MYO5C: variants seen among roughly 807,000 people sequenced by gnomAD.
MYO5C encodes the protein unconventional myosin-Vc.
A neutral mutation model predicts 235.7 loss-of-function variants in MYO5C; 194 were observed. The observed-to-expected ratio is 0.82, with a 90% CI of 0.73 to 0.93. MYO5C has a LOEUF of 0.93. MYO5C is among the 40% of genes least tolerant of loss of function. The pLI, the probability that MYO5C is intolerant of heterozygous loss-of-function variation, is 0.00. For synonymous variants in MYO5C, 707 were observed against 754.8 expected, an observed-to-expected ratio of 0.94 and a Z score of 1.04; for missense variants, 2,038 against 2,127.2, an observed-to-expected ratio of 0.96 and a Z score of 0.82.
At chr15:52,268,284 G>A (rs1233625032) in intron 8 of MYO5C, among the ~76,000 whole-genome samples, 2 of 152,352 alleles carry the variant, frequency 1.3e-5, no homozygotes, top group South Asian at 2.1e-4. Context: ...GAAATGGCTG[G>A]CCGGGCGCGG....
intron 1 of MYO5C, among the ~76,000 whole-genome samples, chr15:52,285,791 A>G (rs1451682738): frequency 1.3e-5 from 2 of 152,150 alleles, no homozygotes; most frequent in African/African-American, 4.8e-5. Context: ...CCCAGGCTGG[A>G]GTGCAGTGGC....
At position 52,263,294 on chromosome 15, in the gene MYO5C, T is replaced by C. The variant is rs557034809; in HGVS notation, c.1047+896A>G. The stretch of plus-strand genomic sequence containing the variant: ...TTTGTTTTCTTCTTTACATGGACAT[T>C]GATGAGACTAATTAAACACATACCC... On this transcript the variant is annotated intron_variant, in intron 9 of 40. Coordinates refer to ENST00000261839, the MANE Select transcript of MYO5C (RefSeq NM_018728.4). Among the ~76,000 whole-genome samples the C allele has an allele frequency of 2.6e-4, 39 of 152,266 alleles. No homozygotes were observed. In the South Asian group the frequency reaches 7.7e-3, roughly 30 times the overall value.
chr15:52,240,087 C>A (rs1268031532), intron 20 of MYO5C, among the ~76,000 whole-genome samples: 1 of 152,182 alleles, frequency 6.6e-6, no homozygotes, highest in African/African-American at 2.4e-5. Flanking sequence ...CATTCTAGAA[C>A]CCCCTGTCTC....
chr15:52,216,861 A>T (rs1256316119), intron 32 of MYO5C, among the ~76,000 whole-genome samples: 2 of 152,192 alleles, frequency 1.3e-5, no homozygotes, highest in Non-Finnish European at 2.9e-5. Flanking sequence ...GATGGAAAAG[A>T]ACACAGAGAC....
At chr15:52,214,740 A>ATT (rs34638854) in intron 32 of MYO5C, 50 bp from the exon 33 acceptor site, 89,544 of 970,826 alleles carry the variant, frequency 0.092, 1,328 homozygotes, top group East Asian at 0.22. Flanking sequence ...ACTTTAATCT[A>ATT]TTTTTTTTTT....
chr15:52,230,024 C>A (rs924803093), intron 24 of MYO5C, among the ~76,000 whole-genome samples: 4 of 152,152 alleles, frequency 2.6e-5, no homozygotes, highest in Non-Finnish European at 5.9e-5. Flanking sequence ...TCCAAGGATC[C>A]TGCTGGAGGT....
intron 10 of MYO5C, among the ~76,000 whole-genome samples, chr15:52,258,209 G>A (rs1239930982): frequency 6.6e-6 from 1 of 152,168 alleles, no homozygotes; most frequent in Non-Finnish European, 1.5e-5. Context: ...AATGCTAGAG[G>A]CACATTGGCT....
chr15:52,286,914 G>A (rs937273577), intron 1 of MYO5C, among the ~76,000 whole-genome samples: 4 of 132,114 alleles, frequency 3.0e-5, no homozygotes, highest in East Asian at 4.3e-4. Flanking sequence ...CCCCCTCTGC[G>A]AGAAACACCC....
chr15:52,232,829 T>C (rs1170820638), intron 23 of MYO5C, 144 bp from the exon 24 acceptor site: 2 of 671,520 alleles, frequency 3.0e-6, no homozygotes, highest in African/African-American at 3.6e-5. Context: ...ATAGCTCATT[T>C]TTTATAAACA....
chr15:52,237,459 C>CG lies in MYO5C; in HGVS notation c.2868+22dup, dbSNP rs1256776962. 3.1e-6 allele frequency: 5 copies of CG among 1,607,070 alleles called. No individual in the cohort carries two copies. The African/African-American group carries it at 6.7e-5, about 22-fold the overall frequency. Reference sequence around the variant, plus strand: ...ACAGAGAGTCCGCATATTTCCATCCCGTCTCACACGCCCGCAGCTGACCTC... The same window carrying CG: ...ACAGAGAGTCCGCATATTTCCATCCCGGTCTCACACGCCCGCAGCTGACCTC... On this transcript the variant is annotated intron_variant, in intron 22 of 40. Transcript: ENST00000261839.
rs559646496 is a variant in MYO5C, at chr15:52,218,726, C to T, written c.3786-39G>A. ...GGAGGAATGGCTGGTATCAGTATGA[C>T]GGTCATGGAGAAGTCACTCACTGTC... On this transcript the variant is annotated intron_variant, in intron 31 of 40. Transcript: ENST00000261839. 150 of 1,603,916 alleles carry T rather than the reference C, an allele frequency of 9.4e-5. 1 individual carries two copies. The Admixed American group carries it at 1.2e-3, about 13-fold the overall frequency.
intron 34 of MYO5C, 97 bp from the exon 35 acceptor site, chr15:52,211,981 G>A: frequency 7.9e-7 from 1 of 1,271,832 alleles, no homozygotes. Flanking sequence ...GCTTTTCTGT[G>A]CTTGACACAG....
At chr15:52,251,964 C>T (rs895350491) in intron 12 of MYO5C, among the ~76,000 whole-genome samples, 1 of 152,140 alleles carries the variant, frequency 6.6e-6, no homozygotes, top group African/African-American at 2.4e-5. Flanking sequence ...CTGCGCCTGG[C>T]CTTAGAGGCT....
At chr15:52,232,265 G>GAGAGAAGGAAGGA (rs1386409167) in intron 24 of MYO5C, among the ~76,000 whole-genome samples, 4 of 147,766 alleles carry the variant, frequency 2.7e-5, no homozygotes, top group African/African-American at 1.0e-4. Flanking sequence ...AGGAAGGAAG[G>GAGAGAAGGAAGGA]AGAGAAGGAA....
chr15:52,263,485 CCTT>C (rs1347612453), intron 9 of MYO5C, among the ~76,000 whole-genome samples: 1 of 152,144 alleles, frequency 6.6e-6, no homozygotes, highest in African/African-American at 2.4e-5. Context: ...TAGTGGGTGT[CCTT>C]CTGCTGAAAA....
chr15:52,194,097 T>C (rs1198662871), intron 40 of MYO5C, 43 bp from the exon 41 acceptor site: 3 of 1,592,720 alleles, frequency 1.9e-6, no homozygotes, highest in Admixed American at 1.8e-5. Context: ...GAAACTAACA[T>C]GTTCTGCTTT....
intron 32 of MYO5C, 50 bp from the exon 33 acceptor site, chr15:52,214,740 A>ATTTT (rs34638854): frequency 2.7e-4 from 268 of 981,908 alleles, no homozygotes; most frequent in South Asian, 6.6e-4. Flanking sequence ...ACTTTAATCT[A>ATTTT]TTTTTTTTTT....
chr15:52,211,899 G>A lies in MYO5C; in HGVS notation c.4142-15C>T. 6.2e-7 allele frequency: 1 copy of A among 1,612,020 alleles called. No individual in the cohort carries two copies. The highest frequency in any genetic ancestry group is 8.5e-7 in the Non-Finnish European group (1 of 1,178,888). ...GGGCTTCAAGTCTGAAGCAGAGAGA[G>A]CCAATGAGGATTACAGCTGACAGGT... is the stretch of plus-strand genomic sequence containing the variant. On this transcript the variant is annotated splice_polypyrimidine_tract_variant and intron_variant, in intron 34 of 40. Transcript: ENST00000261839.
intron 38 of MYO5C, among the ~76,000 whole-genome samples, chr15:52,203,863 C>T (rs1374335182): frequency 6.6e-6 from 1 of 152,102 alleles, no homozygotes; most frequent in Non-Finnish European, 1.5e-5. Context: ...CTAGCTCCCA[C>T]AAATAAGTGA....
Sources: gnomAD v4.1 joint callset for allele counts (sites outside exome capture counted in the v4.1 genomes callset) on GRCh38, gnomAD v4.1.1 for gene constraint, MANE v1.5 for transcripts, NCBI Gene and HGNC (gene_info 2026-07-23, HGNC 2026-07-21) for gene names.